SLC24A2: variants seen among roughly 807,000 people sequenced by gnomAD.
SLC24A2 encodes solute carrier family 24 member 2.
Under a neutral mutation model 62.0 loss-of-function variants are expected in SLC24A2, and 36 were observed. That is an observed-to-expected ratio of 0.58 (90% CI 0.44 to 0.77). The LOEUF is 0.77. Among genes scored for constraint, SLC24A2 ranks in the 30% least tolerant of loss-of-function variants. The pLI, the probability that SLC24A2 is intolerant of heterozygous loss-of-function variation, is 0.00. For synonymous variants in SLC24A2, 358 were observed against 294.0 expected (o/e 1.22, Z -2.23); for missense variants, 846 against 817.9 (o/e 1.03, Z -0.42).
chr9:20,249,184 C>G, the SLC24A2 span, among the ~76,000 whole-genome samples: 1 of 152,254 alleles, frequency 6.6e-6, no homozygotes, highest in South Asian at 2.1e-4. Flanking sequence ...ATATAACTAA[C>G]CTGGTTGCCT....
chr9:19,707,806 T>C lies in SLC24A2; in HGVS notation c.930+78131A>G, dbSNP rs550832844. On this transcript the variant is annotated intron_variant, in intron 2 of 10. Coordinates refer to ENST00000341998, the MANE Select transcript of SLC24A2 (RefSeq NM_020344.4). ...AACCCACAGCCAATATCATACTGAA[T>C]GGGCAAAAACTGGAAGCATTCCCTT... Among the ~76,000 whole-genome samples, 80 of 152,264 alleles carry C rather than the reference T, an allele frequency of 5.3e-4. 1 individual carries two copies. The East Asian group carries it at 0.013, about 25-fold the overall frequency.
At chr9:19,535,171 T>A (rs1300465922) in intron 8 of SLC24A2, among the ~76,000 whole-genome samples, 1 of 152,188 alleles carries the variant, frequency 6.6e-6, no homozygotes, top group Non-Finnish European at 1.5e-5. Flanking sequence ...GAGAAGTGTG[T>A]CTGTTCATAT....
At chr9:20,195,850 A>T in the SLC24A2 span, among the ~76,000 whole-genome samples, 26 of 140,936 alleles carry the variant, frequency 1.8e-4, no homozygotes, top group East Asian at 8.8e-4. Flanking sequence ...AGAAAAAAAA[A>T]TTTTTTAACT....
chr9:20,218,381 G>C, the SLC24A2 span, among the ~76,000 whole-genome samples: 1 of 152,036 alleles, frequency 6.6e-6, no homozygotes, highest in Non-Finnish European at 1.5e-5. Context: ...TGGATTTCTA[G>C]TGCTCCATCC....
chr9:20,191,043 T>C, the SLC24A2 span, among the ~76,000 whole-genome samples: 5 of 152,188 alleles, frequency 3.3e-5, no homozygotes, highest in African/African-American at 1.2e-4. Flanking sequence ...TCAATATTTG[T>C]GAATTGACTT....
chr9:20,288,086 A>G, the SLC24A2 span, among the ~76,000 whole-genome samples: 3 of 152,182 alleles, frequency 2.0e-5, no homozygotes, highest in African/African-American at 4.8e-5. Context: ...CGATGCATCT[A>G]AATTTCATGA....
chr9:19,584,545 CTT>C (rs1836308315), intron 5 of SLC24A2, among the ~76,000 whole-genome samples: 1 of 152,144 alleles, frequency 6.6e-6, no homozygotes, highest in African/African-American at 2.4e-5. Context: ...AACAAATCCT[CTT>C]TTATTCTACC....
chr9:19,939,046 C>T, the SLC24A2 span, among the ~76,000 whole-genome samples: 9 of 152,236 alleles, frequency 5.9e-5, no homozygotes, highest in Non-Finnish European at 1.3e-4. Context: ...TTTTCATGTC[C>T]GTAACTATTA....
chr9:20,042,469 G>A, the SLC24A2 span, among the ~76,000 whole-genome samples: 1 of 152,192 alleles, frequency 6.6e-6, no homozygotes, highest in Non-Finnish European at 1.5e-5. Context: ...GATTTCTGAA[G>A]TAAGAATGAA....
the SLC24A2 span, among the ~76,000 whole-genome samples, chr9:20,204,238 A>C: frequency 1.3e-5 from 2 of 152,238 alleles, no homozygotes; most frequent in East Asian, 3.8e-4. Context: ...GAATTGCTGA[A>C]TGCCTGCTGG....
intron 2 of SLC24A2, among the ~76,000 whole-genome samples, chr9:19,777,082 C>T (rs973273880): frequency 1.3e-5 from 2 of 152,154 alleles, no homozygotes; most frequent in Non-Finnish European, 2.9e-5. Context: ...CTGCCTGGCT[C>T]CATTTAGGTG....
the SLC24A2 span, among the ~76,000 whole-genome samples, chr9:20,056,165 G>T: frequency 6.6e-6 from 1 of 152,150 alleles, no homozygotes; most frequent in Non-Finnish European, 1.5e-5. Flanking sequence ...CAAAGAGCCT[G>T]GCATTTGCTG....
chr9:20,060,774 G>C, the SLC24A2 span, among the ~76,000 whole-genome samples: 1 of 152,148 alleles, frequency 6.6e-6, no homozygotes, highest in East Asian at 1.9e-4. Context: ...ATTTGCAGGT[G>C]ATATGTAGAA....
At chr9:19,588,624 T>TA (rs1836446758) in intron 5 of SLC24A2, among the ~76,000 whole-genome samples, 1 of 152,224 alleles carries the variant, frequency 6.6e-6, no homozygotes, top group Admixed American at 6.5e-5. Flanking sequence ...ATGTGCTTTG[T>TA]AATGAAGCCA....
At position 19,764,525 on chromosome 9, in the gene SLC24A2, G is replaced by T. The variant is rs566598623; in HGVS notation, c.930+21412C>A. On this transcript the variant is annotated intron_variant, in intron 2 of 10. Coordinates refer to ENST00000341998, the MANE Select transcript of SLC24A2 (RefSeq NM_020344.4). ...TGTCTTTGTTCTCATTGGTTTCAAAGAACTTATTTATTTCTGTCTTAATTT... is the reference window on the plus strand; with the variant it reads ...TGTCTTTGTTCTCATTGGTTTCAAATAACTTATTTATTTCTGTCTTAATTT... Among the ~76,000 whole-genome samples, 13 of 152,282 alleles carry T rather than the reference G, an allele frequency of 8.5e-5. No homozygotes were observed. In the South Asian group the frequency reaches 2.7e-3, roughly 32 times the overall value.
At chr9:20,266,390 G>T in the SLC24A2 span, among the ~76,000 whole-genome samples, 5,196 of 152,162 alleles carry the variant, frequency 0.034, 122 homozygotes, top group African/African-American at 0.049. Context: ...GACTGTCGGG[G>T]GCAGGTTCCC....
chr9:19,774,581 GAAC>G (rs1302964807), intron 2 of SLC24A2, among the ~76,000 whole-genome samples: 1 of 152,174 alleles, frequency 6.6e-6, no homozygotes, highest in African/African-American at 2.4e-5. Flanking sequence ...TAAGTTGCTA[GAAC>G]AACAGATGAC....
the SLC24A2 span, among the ~76,000 whole-genome samples, chr9:20,157,758 T>C: frequency 6.6e-6 from 1 of 151,558 alleles, no homozygotes; most frequent in Non-Finnish European, 1.5e-5. Flanking sequence ...ATAAAATTAT[T>C]AATCCTACAG....
At chr9:19,697,692 C>T (rs921114228) in intron 2 of SLC24A2, among the ~76,000 whole-genome samples, 6 of 152,078 alleles carry the variant, frequency 3.9e-5, no homozygotes, top group African/African-American at 1.4e-4. Context: ...TAAAAATATA[C>T]ATTTAGCAGG....
Sources: gnomAD v4.1 joint callset for allele counts (sites outside exome capture counted in the v4.1 genomes callset) on GRCh38, gnomAD v4.1.1 for gene constraint, MANE v1.5 for transcripts, NCBI Gene and HGNC (gene_info 2026-07-23, HGNC 2026-07-21) for gene names.